The following DST variants were observed in gnomAD, a reference collection of about 807,000 sequenced individuals.
DST encodes the protein dystonin.
In DST, 253 loss-of-function variants were observed where a neutral mutation model predicts 875.2. The ratio of observed to expected loss-of-function variants is 0.29; its 90% CI spans 0.26 to 0.32. The LOEUF (loss-of-function observed/expected upper bound fraction) is 0.32. DST is among the 10% of genes least tolerant of loss of function. DST has a pLI of 1.00. For missense variants in DST, 8,287 were observed against 9,111.6 expected (o/e 0.91, Z 3.68); for synonymous variants, 3,124 against 3,197.1 (o/e 0.98, Z 0.77).
At chr6:56,916,778 T>TCTCTCTCTCTCTCACACACA (rs1470233953) in intron 2 of DST, among the ~76,000 whole-genome samples, 14 of 91,330 alleles carry the variant, frequency 1.5e-4, no homozygotes, top group African/African-American at 6.7e-4. Flanking sequence ...TCTCTCTCTC[T>TCTCTCTCTCTCTCACACACA]CACACACACA....
intron 7 of DST, among the ~76,000 whole-genome samples, chr6:56,702,402 C>CAG (rs2099313066): frequency 1.3e-5 from 2 of 150,818 alleles, no homozygotes; most frequent in African/African-American, 4.9e-5. Context: ...CACACACACA[C>CAG]ATATATATAT....
chr6:56,825,502 T>TAAAAAAAAAAAA (rs749148452), intron 4 of DST, among the ~76,000 whole-genome samples: 1 of 109,344 alleles, frequency 9.1e-6, no homozygotes, highest in Admixed American at 9.9e-5. Flanking sequence ...CAATAAATAC[T>TAAAAAAAAAAAA]AAAAAAAAAA....
chr6:56,944,394 C>T (rs1349976328), intron 2 of DST, among the ~76,000 whole-genome samples: 2 of 150,610 alleles, frequency 1.3e-5, no homozygotes, highest in Admixed American at 6.6e-5. Flanking sequence ...AGGCGGGAGT[C>T]ATGAAAGTTT....
chr6:56,910,611 A>C (rs2127716334), intron 2 of DST, among the ~76,000 whole-genome samples: 1 of 152,036 alleles, frequency 6.6e-6, no homozygotes, highest in East Asian at 1.9e-4. Flanking sequence ...CAGCCTCCCA[A>C]GTAGCTGGGA....
chr6:56,494,681 T>G (rs549890431), intron 82 of DST, among the ~76,000 whole-genome samples: 1 of 152,254 alleles, frequency 6.6e-6, no homozygotes, highest in South Asian at 2.1e-4. Flanking sequence ...TTTAAGTTGA[T>G]TATTCAGAAT....
chr6:56,763,409 C>G (rs535249093), intron 4 of DST, among the ~76,000 whole-genome samples: 185 of 152,134 alleles, frequency 1.2e-3, no homozygotes, highest in Non-Finnish European at 2.1e-3. Context: ...TGGTGGCTCA[C>G]GCCTGTAATG....
intron 43 of DST, chr6:56,602,078 A>G: frequency 2.9e-6 from 1 of 350,040 alleles, no homozygotes; most frequent in East Asian, 9.5e-5. Flanking sequence ...TAATACTTTG[A>G]GGGATTTGAA....
chr6:56,486,767 T>C (rs1000821319), intron 87 of DST, among the ~76,000 whole-genome samples: 2 of 152,156 alleles, frequency 1.3e-5, no homozygotes, highest in African/African-American at 4.8e-5. Context: ...TCCATTTACA[T>C]TTTTAAAAGA....
intron 10 of DST, 115 bp from the exon 11 acceptor site, chr6:56,651,359 C>T (rs1264828772): frequency 2.3e-5 from 13 of 560,264 alleles, no homozygotes; most frequent in Admixed American, 1.4e-4. Flanking sequence ...ACCAAGCCTG[C>T]GTTAAAATGC....
intron 10 of DST, among the ~76,000 whole-genome samples, chr6:56,658,638 A>C (rs2099022867): frequency 6.6e-6 from 1 of 151,888 alleles, no homozygotes; most frequent in African/African-American, 2.4e-5. Flanking sequence ...GGAGAAGACA[A>C]CCTGATGCTT....
At chr6:56,880,774 A>T (rs1234082543) in intron 3 of DST, among the ~76,000 whole-genome samples, 1 of 149,940 alleles carries the variant, frequency 6.7e-6, no homozygotes, top group African/African-American at 2.4e-5. Flanking sequence ...TGAAAGAGAT[A>T]TTTTAAAACA....
At chr6:56,522,436 A>T (rs1583915600) in intron 69 of DST, among the ~76,000 whole-genome samples, 3 of 152,258 alleles carry the variant, frequency 2.0e-5, no homozygotes, top group South Asian at 4.1e-4. Context: ...CCTCAAGGAC[A>T]TCCTTTTCAC....
rs147211817 is a variant in DST at position 56,659,714 on chromosome 6, G to A, written c.1215-8470C>T. Among the ~76,000 whole-genome samples the A allele has an allele frequency of 4.5e-3, 688 of 152,322 alleles. 1 individual carries two copies. Among genetic ancestry groups the A allele is most frequent in the African/African-American group, 0.016 (660 of 41,574 alleles). ...AGGAAAGGAATGATATAAGGTAGTA[G>A]CTGGAATAAAGCATGCAGTTAAGGG... is the stretch of plus-strand genomic sequence containing the variant. On this transcript the variant is annotated intron_variant, in intron 10 of 103. Coordinates refer to ENST00000680361, the MANE Select transcript of DST (RefSeq NM_001374736.1).
In DST at chr6:56,746,409, A is replaced by T. The variant is rs575997959; in HGVS notation, c.626-11120T>A. ...GCTTATATATGATTAGCATACTAAG[A>T]TGTTTACCATAGCAAAATATTTGAA... On this transcript the variant is annotated intron_variant, in intron 4 of 103. Transcript: ENST00000680361. 4.6e-5 allele frequency among the ~76,000 whole-genome samples: 7 copies of T among 152,330 alleles called. No individual in the cohort carries two copies. In the South Asian group the frequency reaches 1.5e-3, roughly 32 times the overall value.
chr6:56,855,413 A>C (rs1758666122), intron 3 of DST, among the ~76,000 whole-genome samples: 1 of 152,228 alleles, frequency 6.6e-6, no homozygotes, highest in Non-Finnish European at 1.5e-5. Flanking sequence ...TAATAAAAAC[A>C]AATAAGATAA....
intron 3 of DST, among the ~76,000 whole-genome samples, chr6:56,875,953 C>T (rs1229068756): frequency 2.0e-5 from 3 of 152,154 alleles, no homozygotes; most frequent in South Asian, 2.1e-4. Context: ...TGTCAGGAAG[C>T]TCTAACTCCT....
At chr6:56,712,859 C>T (rs1306019654) in intron 5 of DST, among the ~76,000 whole-genome samples, 1 of 151,922 alleles carries the variant, frequency 6.6e-6, no homozygotes, top group East Asian at 1.9e-4. Context: ...TGTGTATTTC[C>T]TCATCAAATC....
At chr6:56,476,093 A>G in intron 92 of DST, 56 bp downstream of exon 92, 1 of 1,432,496 alleles carries the variant, frequency 7.0e-7, no homozygotes, top group Non-Finnish European at 9.4e-7. Flanking sequence ...CAGCAGTGAA[A>G]GAAAGAAAAT....
At chr6:56,510,346 G>A (rs2096448299) in intron 73 of DST, among the ~76,000 whole-genome samples, 1 of 151,926 alleles carries the variant, frequency 6.6e-6, no homozygotes, top group Non-Finnish European at 1.5e-5. Context: ...GAAATTCATG[G>A]GAAGTTTTGA....
Sources: allele counts gnomAD v4.1 joint callset (sites outside exome capture counted in the v4.1 genomes callset), GRCh38; gene constraint gnomAD v4.1.1; transcripts MANE v1.5; gene names NCBI Gene and HGNC (gene_info 2026-07-23, HGNC 2026-07-21).